The following UNC5D variants were observed in gnomAD, a reference collection of about 807,000 sequenced individuals.
UNC5D encodes netrin receptor UNC5D.
Under a neutral mutation model 105.4 loss-of-function variants are expected in UNC5D, and 39 were observed. That is an observed-to-expected ratio of 0.37 (90% CI 0.29 to 0.48). UNC5D has a LOEUF of 0.48. Ranked by LOEUF, UNC5D falls within the 20% of genes least tolerant of loss-of-function variation. The pLI is 0.98. For missense variants in UNC5D, 991 were observed against 1,202.4 expected (o/e 0.82, Z 2.60); for synonymous variants, 452 against 450.4 (o/e 1.00, Z -0.04).
chr8:35,406,709 G>A (rs1476679160), intron 1 of UNC5D, among the ~76,000 whole-genome samples: 1 of 152,118 alleles, frequency 6.6e-6, no homozygotes, highest in East Asian at 1.9e-4. Flanking sequence ...ACAATTTTAG[G>A]ACTTGAAGTG....
intron 1 of UNC5D, among the ~76,000 whole-genome samples, chr8:35,472,862 A>C (rs1474166318): frequency 6.6e-6 from 1 of 152,176 alleles, no homozygotes; most frequent in Admixed American, 6.5e-5. Context: ...AAAGAATGAT[A>C]GATGGAAAAT....
At chr8:35,683,805 C>T in intron 5 of UNC5D, 78 bp downstream of exon 5, 1 of 1,339,314 alleles carries the variant, frequency 7.5e-7, no homozygotes, top group Non-Finnish European at 9.6e-7. Flanking sequence ...TTAAAACTTT[C>T]AATGTCGAGA....
In UNC5D at chr8:35,572,275, CAAAAAA is replaced by C. The variant is rs58478029; in HGVS notation, c.466+4054_466+4059del. ...TGCACTCCAGCCTGAGCGAGACTGT[CAAAAAA>C]AAAAAAAAAAAAAAAAAAACCCACA... On this transcript the variant is annotated intron_variant, in intron 3 of 16. Coordinates refer to ENST00000404895, the MANE Select transcript of UNC5D (RefSeq NM_080872.4). Among the ~76,000 whole-genome samples, 240 of 72,472 alleles carry C rather than the reference CAAAAAA, an allele frequency of 3.3e-3. 3 individuals carry two copies. The East Asian group carries it at 0.041, about 12-fold the overall frequency. The allele number at this position is 72,472 out of a possible 152,430, so 47.5% of individuals were successfully genotyped here. A position where few individuals can be genotyped will look rare whatever the true frequency, so the allele number is the denominator to read the frequency against.
rs569884163 is a variant in UNC5D at position 35,787,042 on chromosome 8, G to T, written c.2658-3317G>T. On this transcript the variant is annotated intron_variant, in intron 16 of 16. Transcript: ENST00000404895. ...GCCACGCTCATTCACTTAACATATT[G>T]TTTCTGTCTGTTTTTGCAATACCAA... 2.0e-5 allele frequency among the ~76,000 whole-genome samples: 3 copies of T among 152,262 alleles called. No individual in the cohort carries two copies. In the East Asian group the frequency reaches 5.8e-4, roughly 29 times the overall value.
intron 1 of UNC5D, among the ~76,000 whole-genome samples, chr8:35,512,479 T>G (rs1399648347): frequency 6.5e-5 from 7 of 107,838 alleles, no homozygotes; most frequent in Non-Finnish European, 1.3e-4. Flanking sequence ...TATATATATA[T>G]ATATATATAT....
At chr8:35,502,285 G>A (rs144829708) in intron 1 of UNC5D, among the ~76,000 whole-genome samples, 337 of 152,236 alleles carry the variant, frequency 2.2e-3, no homozygotes, top group African/African-American at 6.7e-3. Context: ...TGCCTATAAC[G>A]TTTATCCTTC....
chr8:35,599,981 T>G (rs1236906298), intron 4 of UNC5D, among the ~76,000 whole-genome samples: 1 of 151,820 alleles, frequency 6.6e-6, no homozygotes, highest in Non-Finnish European at 1.5e-5. Flanking sequence ...GTCCCTGGTG[T>G]GTGATGTTCC....
At chr8:35,309,809 A>G (rs1585553617) in intron 1 of UNC5D, among the ~76,000 whole-genome samples, 1 of 152,198 alleles carries the variant, frequency 6.6e-6, no homozygotes, top group South Asian at 2.1e-4. Flanking sequence ...ATTGCTATTC[A>G]CTAGTTCTGG....
chr8:35,323,918 A>G (rs1809945587), intron 1 of UNC5D, among the ~76,000 whole-genome samples: 3 of 152,146 alleles, frequency 2.0e-5, no homozygotes, highest in Non-Finnish European at 4.4e-5. Flanking sequence ...CTGTGTATAT[A>G]GCTTCGGGAC....
At chr8:35,253,999 A>G (rs1182166049) in intron 1 of UNC5D, among the ~76,000 whole-genome samples, 1 of 152,138 alleles carries the variant, frequency 6.6e-6, no homozygotes, top group East Asian at 1.9e-4. Context: ...CGTACTCTCT[A>G]CTGAACTAAA....
chr8:35,674,653 G>A (rs1385308603), intron 4 of UNC5D, among the ~76,000 whole-genome samples: 2 of 152,294 alleles, frequency 1.3e-5, no homozygotes, highest in South Asian at 2.1e-4. Flanking sequence ...TAAAGCGAAT[G>A]AGAAATGTAT....
intron 1 of UNC5D, among the ~76,000 whole-genome samples, chr8:35,273,052 A>T (rs2128838366): frequency 6.6e-6 from 1 of 152,326 alleles, no homozygotes; most frequent in South Asian, 2.1e-4. Flanking sequence ...GGGCTCATGA[A>T]TGGGGAGGAC....
At chr8:35,374,486 A>C (rs1802585715) in intron 1 of UNC5D, among the ~76,000 whole-genome samples, 1 of 152,220 alleles carries the variant, frequency 6.6e-6, no homozygotes, top group Non-Finnish European at 1.5e-5. Context: ...GTTTATGAAG[A>C]ATAGACTAAG....
intron 1 of UNC5D, among the ~76,000 whole-genome samples, chr8:35,400,050 A>C (rs1585753189): frequency 6.6e-6 from 1 of 152,274 alleles, no homozygotes; most frequent in Admixed American, 6.5e-5. Context: ...TAGCAGGCCC[A>C]TTGTGATCAT....
chr8:35,459,675 G>A (rs1297433849), intron 1 of UNC5D, among the ~76,000 whole-genome samples: 1 of 152,208 alleles, frequency 6.6e-6, no homozygotes, highest in East Asian at 1.9e-4. Context: ...CAGATTAGGT[G>A]AAGGAAATGT....
chr8:35,399,009 G>A (rs993059655), intron 1 of UNC5D, among the ~76,000 whole-genome samples: 1 of 151,702 alleles, frequency 6.6e-6, no homozygotes, highest in African/African-American at 2.4e-5. Flanking sequence ...ACAGGGCATG[G>A]TGGCATGCAC....
intron 8 of UNC5D, among the ~76,000 whole-genome samples, chr8:35,708,558 C>A (rs1478581096): frequency 2.0e-5 from 3 of 152,152 alleles, no homozygotes; most frequent in Admixed American, 1.3e-4. Context: ...CAAACACGCA[C>A]CCCTAGAGTC....
chr8:35,560,918 A>AG (rs1816907896), intron 2 of UNC5D, among the ~76,000 whole-genome samples: 1 of 152,204 alleles, frequency 6.6e-6, no homozygotes, highest in Non-Finnish European at 1.5e-5. Context: ...AGCCTGAATG[A>AG]GGGGTTACAA....
At chr8:35,592,271 T>C (rs934644338) in intron 3 of UNC5D, among the ~76,000 whole-genome samples, 3 of 152,186 alleles carry the variant, frequency 2.0e-5, no homozygotes, top group Non-Finnish European at 2.9e-5. Flanking sequence ...TTTAAAGAAC[T>C]AAAATTAGAA....
Sources: gnomAD v4.1 joint callset for allele counts (sites outside exome capture counted in the v4.1 genomes callset) on GRCh38, gnomAD v4.1.1 for gene constraint, MANE v1.5 for transcripts, NCBI Gene and HGNC (gene_info 2026-07-23, HGNC 2026-07-21) for gene names.